Variants in ZNF382 observed in about 807,000 individuals in gnomAD.
The protein encoded by ZNF382 is KRAB/zinc finger suppressor protein 1.
ZNF382 carries 20 observed loss-of-function variants against 38.8 expected under a neutral mutation model. The ratio of observed to expected loss-of-function variants is 0.51; its 90% CI spans 0.36 to 0.75. ZNF382 has a LOEUF of 0.75. Ranked by LOEUF, ZNF382 falls within the 30% of genes least tolerant of loss-of-function variation. ZNF382 has a pLI of 0.00. For missense variants in ZNF382, 546 were observed against 654.1 expected (o/e 0.83, Z 1.80); for synonymous variants, 202 against 223.1 (o/e 0.91, Z 0.84).
At chr19:36,625,249 G>A (rs867590246) in intron 4 of ZNF382, among the ~76,000 whole-genome samples, 5 of 150,690 alleles carry the variant, frequency 3.3e-5, no homozygotes, top group African/African-American at 7.3e-5. Flanking sequence ...AATAAATTAC[G>A]GTTATATGGA....
rs756839927 is a variant in ZNF382, at chr19:36,610,008, T to C, written c.94T>C (p.Tyr32His). 10 of 1,613,900 alleles carry C rather than the reference T, an allele frequency of 6.2e-6. No individual in the cohort carries two copies. The South Asian group carries it at 1.1e-4, about 18-fold the overall frequency. The change falls in exon 3 of 5, where the codon TAC (tyrosine) becomes CAC (histidine). Residue 32 changes from tyrosine (Y) to histidine (H), a missense_variant. Transcript: ENST00000292928. ...ACTAGACCCTGCTCAGAAGGCGCTT[T>C]ACAGGGATGTGATGTTGGAAAACTA... ...QQLDPAQKALYRDVMLENYCH... is the reference protein window; with the variant it reads ...QQLDPAQKALHRDVMLENYCH...
intron 4 of ZNF382, among the ~76,000 whole-genome samples, chr19:36,614,934 TC>T (rs2037112404): frequency 7.5e-6 from 1 of 132,568 alleles, no homozygotes; most frequent in Admixed American, 7.7e-5. Context: ...CCTTTCCCTT[TC>T]CCTTTCCCTT....
rs754485289 is a variant in ZNF382 at position 36,626,970 on chromosome 19, G to A, written c.1073G>A (p.Gly358Glu). 2.4e-5 allele frequency: 38 copies of A among 1,614,072 alleles called. No individual in the cohort carries two copies. The highest frequency in any genetic ancestry group is 3.1e-5 in the Non-Finnish European group (37 of 1,180,036). Residue 358 changes from glycine (G) to glutamate (E), a missense_variant, in exon 5 of 5, where the codon GGG becomes GAG. Gly to Glu is a moderately conservative substitution (Grantham distance 98, BLOSUM62 -2). Coordinates refer to ENST00000292928, the MANE Select transcript of ZNF382 (RefSeq NM_032825.5). ...AAACCCTTTATTTGTATCGATTGTG[G>A]GAAGTCCTTCCGCCAGAAGGCCACC... is the stretch of plus-strand genomic sequence containing the variant. The part of the protein sequence containing the change: ...EGKPFICIDC[G>E]KSFRQKATLT...
At position 36,630,377 on chromosome 19, in the gene ZNF382, G is replaced by A. The variant is rs1176098428; in HGVS notation, c.*2827G>A. On this transcript the variant is annotated 3_prime_UTR_variant, in exon 5 of 5. Transcript: ENST00000292928. ...TTTTCTTTTCTTTTTTTTTTTTTTT[G>A]AGACAGAGTTTCACTTTTGTTTCCC... 9.1e-6 allele frequency: 1 copy of A among 109,694 alleles called. No individual in the cohort carries two copies. The highest frequency in any genetic ancestry group is 1.9e-5 in the Non-Finnish European group (1 of 52,624). 6.8% of individuals were successfully genotyped at this position (109,694 alleles called of 1,614,324 possible). A position where few individuals can be genotyped will look rare whatever the true frequency, so the allele number is the denominator to read the frequency against.
At chr19:36,605,585 C>G (rs1412513640) in intron 1 of ZNF382, 1 of 152,236 alleles carries the variant, frequency 6.6e-6, no homozygotes, top group Non-Finnish European at 1.5e-5. Flanking sequence ...GAGCGAGCTC[C>G]GCGAAGGGGG....
Position 36,627,433 on chromosome 19 carries a change from A to T in ZNF382, c.1536A>T (p.Lys512Asn), listed in dbSNP as rs1286279415. ...AATCAAACCTCATTCGCCATCAGAA[A>T]ACTCACACAGGCGAGAAACCATATG... The part of the protein sequence containing the change: ...SRKSNLIRHQ[K>N]THTGEKPYEC... Residue 512 changes from lysine to asparagine, a missense_variant, in exon 5 of 5, where the codon AAA (lysine) becomes AAT (asparagine). Lys to Asn is a moderately conservative substitution (Grantham distance 94). Coordinates refer to ENST00000292928, the MANE Select transcript of ZNF382 (RefSeq NM_032825.5). 1 of 1,614,094 alleles carries T rather than the reference A, an allele frequency of 6.2e-7. No homozygotes were observed. Among genetic ancestry groups the T allele is most frequent in the Non-Finnish European group, 8.5e-7 (1 of 1,180,046 alleles).
chr19:36,610,618 C>A, intron 3 of ZNF382, 32 bp from the exon 4 acceptor site: 1 of 1,581,034 alleles, frequency 6.3e-7, no homozygotes, highest in Non-Finnish European at 8.6e-7. Flanking sequence ...GTCGAAACAG[C>A]TTAGACCAAA....
chr19:36,625,888 C>A (rs1379402683), intron 4 of ZNF382, among the ~76,000 whole-genome samples: 1 of 152,166 alleles, frequency 6.6e-6, no homozygotes, highest in Non-Finnish European at 1.5e-5. Context: ...CTTCTCAGTG[C>A]AGCTTATATT....
rs765131472 is a variant in ZNF382 at position 36,609,537 on chromosome 19, C to T, written c.-13-365C>T. On this transcript the variant is annotated intron_variant, in intron 2 of 4. Coordinates refer to ENST00000292928, the MANE Select transcript of ZNF382 (RefSeq NM_032825.5). ...AACTTTTATGTCCTCAATGAAGCCTCGGAGTACAAAATGAAATTTTTCCTT... is the reference window on the plus strand; with the variant it reads ...AACTTTTATGTCCTCAATGAAGCCTTGGAGTACAAAATGAAATTTTTCCTT... 7 of 156,796 alleles carry T rather than the reference C, an allele frequency of 4.5e-5. 1 individual carries two copies. In the Middle Eastern group the frequency reaches 2.1e-3, roughly 47 times the overall value. The allele number at this position is 156,796 out of a possible 1,614,324, so 9.7% of individuals were successfully genotyped here.
At chr19:36,610,460 A>T (rs2037068120) in intron 3 of ZNF382, 190 bp from the exon 4 acceptor site, 1 of 466,298 alleles carries the variant, frequency 2.1e-6, no homozygotes, top group East Asian at 3.9e-5. Context: ...TCTCAAAAAA[A>T]AAAAAGAAAA....
chr19:36,633,486 A>G lies in ZNF382; in HGVS notation c.*5936A>G, dbSNP rs1047380356. ...GTTACTGGAACTTTCATACATTGCT[A>G]ATAGGAAAGGCAAAATGGTAAAGCC... is the stretch of plus-strand genomic sequence containing the variant. On this transcript the variant is annotated 3_prime_UTR_variant, in exon 5 of 5. Transcript: ENST00000292928. 6.6e-6 allele frequency: 1 copy of G among 151,446 alleles called. No individual in the cohort carries two copies. The allele number at this position is 151,446 out of a possible 1,614,324, so 9.4% of individuals were successfully genotyped here. A position where few individuals can be genotyped will look rare whatever the true frequency, so the allele number is the denominator to read the frequency against.
rs1182606368 is a variant in ZNF382 at position 36,614,912 on chromosome 19, T to TCCTTTCCTTTCCTTC, written c.232+4174_232+4175insTCCTTTCCTTCCCTT. On this transcript the variant is annotated intron_variant, in intron 4 of 4. Transcript: ENST00000292928. ...TCCTTTCCTTTCCTTTCCTTTCCTT[T>TCCTTTCCTTTCCTTC]CCTTCCCTTTCCCTTTCCCTTTCCC... Among the ~76,000 whole-genome samples the TCCTTTCCTTTCCTTC allele has an allele frequency of 1.7e-3, 75 of 43,072 alleles. 3 individuals are homozygous for TCCTTTCCTTTCCTTC. Among genetic ancestry groups the TCCTTTCCTTTCCTTC allele is most frequent in the Non-Finnish European group, 2.3e-3 (45 of 19,928 alleles). 28.3% of individuals were successfully genotyped at this position (43,072 alleles called of 152,430 possible).
intron 4 of ZNF382, among the ~76,000 whole-genome samples, chr19:36,622,213 G>A (rs564334212): frequency 6.6e-6 from 1 of 152,000 alleles, no homozygotes; most frequent in Non-Finnish European, 1.5e-5. Flanking sequence ...TGGAGACGGG[G>A]TTTCACTATG....
intron 4 of ZNF382, among the ~76,000 whole-genome samples, chr19:36,613,041 T>C (rs2145317289): frequency 6.6e-6 from 1 of 152,338 alleles, no homozygotes; most frequent in East Asian, 1.9e-4. Flanking sequence ...TCCGCCCACC[T>C]TGGCCTCCCA....
chr19:36,618,369 A>G (rs988714521), intron 4 of ZNF382, among the ~76,000 whole-genome samples: 1 of 152,174 alleles, frequency 6.6e-6, no homozygotes, highest in Non-Finnish European at 1.5e-5. Flanking sequence ...GCTCCTTGCA[A>G]TCTTGCCCTG....
chr19:36,626,212 C>A lies in ZNF382; in HGVS notation c.315C>A (p.Asn105Lys). The A allele has an allele frequency of 6.2e-7, 1 of 1,601,780 alleles. No individual in the cohort carries two copies. The highest frequency in any genetic ancestry group is 8.5e-7 in the Non-Finnish European group (1 of 1,176,770). Residue 105 changes from asparagine to lysine, a missense_variant, in exon 5 of 5, where the codon AAC becomes AAA. Physicochemically the swap from Asn to Lys is moderately conservative, Grantham distance 94. Transcript: ENST00000292928. ...DRHSRPLIFI[N>K]HKKLIKERSN... is the part of the protein sequence containing the mutation. ...ATTCTAGACCCCTCATATTCATCAA[C>A]CACAAAAAACTAATTAAGGAGAGAA...
chr19:36,611,147 A>C (rs1203544230), intron 4 of ZNF382, among the ~76,000 whole-genome samples: 1 of 152,132 alleles, frequency 6.6e-6, no homozygotes, highest in Non-Finnish European at 1.5e-5. Flanking sequence ...AAAATTAGCC[A>C]GGCATGGTGG....
chr19:36,616,319 C>A (rs1405909439), intron 4 of ZNF382, among the ~76,000 whole-genome samples: 2 of 152,110 alleles, frequency 1.3e-5, no homozygotes, highest in Non-Finnish European at 2.9e-5. Context: ...CTGCAGTGAG[C>A]TATGCACTAC....
chr19:36,613,493 A>C (rs1021458188), intron 4 of ZNF382, among the ~76,000 whole-genome samples: 2 of 147,554 alleles, frequency 1.4e-5, no homozygotes, highest in African/African-American at 5.0e-5. Flanking sequence ...GTGTGATCTC[A>C]ACTCACCGCA....
Sources: allele counts gnomAD v4.1 joint callset (sites outside exome capture counted in the v4.1 genomes callset), GRCh38; gene constraint gnomAD v4.1.1; transcripts MANE v1.5; gene names NCBI Gene and HGNC (gene_info 2026-07-23, HGNC 2026-07-21).